The following MICU2 variants were observed in gnomAD, a reference collection of about 807,000 sequenced individuals.
MICU2 encodes mitochondrial calcium uptake 2, also known as calcium uptake protein 2, mitochondrial.
A neutral mutation model predicts 60.4 loss-of-function variants in MICU2; 64 were observed. The ratio of observed to expected loss-of-function variants is 1.06; its 90% CI spans 0.87 to 1.31. The LOEUF is 1.31. Among genes scored for constraint, MICU2 ranks in the 50% most tolerant of loss-of-function variants. The pLI is 0.00. For missense variants in MICU2, 569 were observed against 531.0 expected (o/e 1.07, Z -0.70); for synonymous variants, 201 against 175.0 (o/e 1.15, Z -1.17).
intron 4 of MICU2, among the ~76,000 whole-genome samples, chr13:21,529,808 T>G (rs1382753568): frequency 6.6e-6 from 1 of 152,172 alleles, no homozygotes; most frequent in African/African-American, 2.4e-5. Flanking sequence ...GCTGGGAGAC[T>G]CTATATATTC....
At chr13:21,537,457 TTTTC>T (rs1201331013) in intron 4 of MICU2, among the ~76,000 whole-genome samples, 83 of 116,306 alleles carry the variant, frequency 7.1e-4, no homozygotes, top group African/African-American at 2.4e-3. Flanking sequence ...ATATCCAACA[TTTTC>T]TTTCTTTCTT....
intron 1 of MICU2, among the ~76,000 whole-genome samples, chr13:21,578,829 A>G (rs1005935193): frequency 1.3e-5 from 2 of 152,214 alleles, no homozygotes; most frequent in Non-Finnish European, 2.9e-5. Context: ...CTTTGTAACA[A>G]GAGGAAAGAG....
intron 9 of MICU2, among the ~76,000 whole-genome samples, chr13:21,498,394 T>G (rs1886055846): frequency 8.0e-6 from 1 of 125,348 alleles, no homozygotes; most frequent in Non-Finnish European, 1.8e-5. Context: ...TTTTTTTTTT[T>G]TTTTGAGACA....
At position 21,566,834 on chromosome 13, in the gene MICU2, T is replaced by C. The variant is rs138492568; in HGVS notation, c.321A>G (p.Arg107=). The C allele has an allele frequency of 6.2e-6, 10 of 1,608,856 alleles. No individual in the cohort carries two copies. The African/African-American group carries it at 1.3e-4, about 21-fold the overall frequency. The change falls in exon 2 of 12, where the codon CGA becomes CGG. Residue 107 remains arginine (R), a synonymous_variant. Transcript: ENST00000382374. ...EHEGEYYMTP[R]DFLFSVMFEQ... is the part of the protein sequence containing the mutation. ...CAAACATCACTGAGAAGAGGAAGTC[T>C]CGTGGTGTCATATAATATTCTCCTT... is the stretch of plus-strand genomic sequence containing the variant.
chr13:21,579,107 T>A (rs897555288), intron 1 of MICU2, among the ~76,000 whole-genome samples: 8 of 152,194 alleles, frequency 5.3e-5, no homozygotes, highest in African/African-American at 1.9e-4. Flanking sequence ...AAGATAAAAT[T>A]CTGCTAATAA....
intron 1 of MICU2, among the ~76,000 whole-genome samples, chr13:21,596,737 C>T (rs1888700594): frequency 6.6e-6 from 1 of 152,026 alleles, no homozygotes; most frequent in African/African-American, 2.4e-5. Context: ...CATTCAGGTT[C>T]TCATAGGGCT....
At chr13:21,594,840 G>T (rs1016689033) in intron 1 of MICU2, among the ~76,000 whole-genome samples, 7 of 152,068 alleles carry the variant, frequency 4.6e-5, no homozygotes, top group African/African-American at 1.4e-4. Flanking sequence ...AGAACCCATG[G>T]ATGCAGAGAA....
At chr13:21,515,085 G>GTT in intron 6 of MICU2, among the ~76,000 whole-genome samples, 1 of 139,290 alleles carries the variant, frequency 7.2e-6, no homozygotes. Context: ...CAAGTATATA[G>GTT]TTTTTTTTTT....
intron 7 of MICU2, among the ~76,000 whole-genome samples, chr13:21,511,512 CACACACAATGGTAAGAA>C (rs1160839703): frequency 2.6e-5 from 4 of 152,168 alleles, no homozygotes; most frequent in Middle Eastern, 3.2e-3. Flanking sequence ...CTATAGATTT[CACACACAATGGTAAGAA>C]ACAATACAAA....
At chr13:21,537,573 G>A (rs1323074581) in intron 4 of MICU2, among the ~76,000 whole-genome samples, 3 of 151,086 alleles carry the variant, frequency 2.0e-5, no homozygotes, top group African/African-American at 4.9e-5. Flanking sequence ...AGGTTCAAGC[G>A]ATTCTACTGC....
In MICU2 at chr13:21,548,133, T is replaced by A. The variant is rs1218982909; in HGVS notation, c.359-8445A>T. On this transcript the variant is annotated intron_variant, in intron 2 of 11. Transcript: ENST00000382374. ...AAATATTGTGCAGTCACAAAAACAG[T>A]ATTTTAGAAAAAATATTTGTTGACA... is the stretch of plus-strand genomic sequence containing the variant. Among the ~76,000 whole-genome samples, 4 of 152,366 alleles carry A rather than the reference T, an allele frequency of 2.6e-5. No homozygotes were observed. In the East Asian group the frequency reaches 7.7e-4, roughly 29 times the overall value.
chr13:21,595,887 AC>A (rs1344768014), intron 1 of MICU2, among the ~76,000 whole-genome samples: 1 of 152,206 alleles, frequency 6.6e-6, no homozygotes, highest in African/African-American at 2.4e-5. Context: ...CTACTTTTTG[AC>A]ACCTGCTACT....
At chr13:21,502,796 C>A in intron 9 of MICU2, 130 bp downstream of exon 9, 1 of 812,358 alleles carries the variant, frequency 1.2e-6, no homozygotes, top group Admixed American at 2.9e-5. Flanking sequence ...ATGTAGAGAA[C>A]ATTCCTCAAG....
Position 21,566,877 on chromosome 13 carries a change from A to G in MICU2, c.278T>C (p.Phe93Ser). ...PSLRKQRFMQ[F>S]SSLEHEGEYY... ...TTCTCCTTCATGTTCGAGTGAAGAA[A>G]ACTGCATGAAGCGCTGCTTACGAAG... The change falls in exon 2 of 12, where the codon TTT (phenylalanine) becomes TCT (serine). Residue 93 changes from phenylalanine (F) to serine (S), a missense_variant. Transcript: ENST00000382374. The G allele has an allele frequency of 9.9e-6, 16 of 1,613,316 alleles. No homozygotes were observed. Among genetic ancestry groups the G allele is most frequent in the Non-Finnish European group, 1.4e-5 (16 of 1,179,624 alleles).
chr13:21,603,953 T>C lies in MICU2; in HGVS notation c.196A>G (p.Thr66Ala). 6 of 1,612,506 alleles carry C rather than the reference T, an allele frequency of 3.7e-6. No homozygotes were observed. Among genetic ancestry groups the C allele is most frequent in the South Asian group, 2.2e-5 (2 of 91,064 alleles). Residue 66 changes from threonine (T) to alanine (A), a missense_variant, in exon 1 of 12, where the codon ACA becomes GCA. Transcript: ENST00000382374. ...TAGTCCTGTACCTGTGCGGAGACTG[T>C]AAAACTGCCATCCCGCGCCGCAACA... ...VSVAARDGSF[T>A]VSAQKNVEHG...
intron 2 of MICU2, among the ~76,000 whole-genome samples, chr13:21,565,830 T>C (rs1267115381): frequency 6.6e-6 from 1 of 152,122 alleles, no homozygotes; most frequent in Non-Finnish European, 1.5e-5. Context: ...AAGACTCTGT[T>C]TCAAACAAAC....
chr13:21,585,134 T>C (rs1221603432), intron 1 of MICU2, among the ~76,000 whole-genome samples: 4 of 152,218 alleles, frequency 2.6e-5, no homozygotes, highest in Non-Finnish European at 5.9e-5. Flanking sequence ...CAAACAGCTA[T>C]GCCAAAAGCA....
rs185735606 is a variant in MICU2 at position 21,559,669 on chromosome 13, T to C, written c.358+7128A>G. Among the ~76,000 whole-genome samples the C allele has an allele frequency of 2.1e-3, 320 of 152,064 alleles. 1 individual carries two copies. Among genetic ancestry groups the C allele is most frequent in the African/African-American group, 7.5e-3 (310 of 41,470 alleles). The stretch of plus-strand genomic sequence containing the variant: ...CCTCCTGAGTAGCTGGGACTACAGA[T>C]GCACGCCACCATGCCTGGCTAATTT... On this transcript the variant is annotated intron_variant, in intron 2 of 11. Coordinates refer to ENST00000382374, the MANE Select transcript of MICU2 (RefSeq NM_152726.3).
Position 21,500,592 on chromosome 13 carries a change from AT to A in MICU2, c.933+2333del, listed in dbSNP as rs576113862. Among the ~76,000 whole-genome samples, 574 of 150,584 alleles carry A rather than the reference AT, an allele frequency of 3.8e-3. 7 individuals carry two copies. Among genetic ancestry groups the A allele is most frequent in the African/African-American group, 0.013 (524 of 41,016 alleles). On this transcript the variant is annotated intron_variant, in intron 9 of 11. Transcript: ENST00000382374. ...ACCATGCCCGGCTACTTTTTTTTGTATTTTTTGGTAGAGATGGGGTTTCACC... is the reference window on the plus strand; with the variant it reads ...ACCATGCCCGGCTACTTTTTTTTGTATTTTTGGTAGAGATGGGGTTTCACC...
Sources: gnomAD v4.1 joint callset for allele counts (sites outside exome capture counted in the v4.1 genomes callset) on GRCh38, gnomAD v4.1.1 for gene constraint, MANE v1.5 for transcripts, NCBI Gene and HGNC (gene_info 2026-07-23, HGNC 2026-07-21) for gene names.